DDX10: variants seen among roughly 807,000 people sequenced by gnomAD.
DDX10 encodes the protein DEAD-box helicase 10.
Under a neutral mutation model 104.3 loss-of-function variants are expected in DDX10, and 74 were observed. That is an observed-to-expected ratio of 0.71 (90% CI 0.59 to 0.86). The LOEUF (loss-of-function observed/expected upper bound fraction) is 0.86. DDX10 is among the 40% of genes least tolerant of loss of function. The pLI is 0.00. For synonymous variants in DDX10, 351 were observed against 353.4 expected (o/e 0.99, Z 0.08); for missense variants, 952 against 1,040.0 (o/e 0.92, Z 1.16).
chr11:108,739,672 G>A (rs1217685380), intron 13 of DDX10, among the ~76,000 whole-genome samples: 2 of 152,248 alleles, frequency 1.3e-5, no homozygotes, highest in South Asian at 2.1e-4. Flanking sequence ...ATTTGAGAGT[G>A]TACCGTCTGG....
chr11:108,771,776 C>T (rs1483850736), intron 13 of DDX10, among the ~76,000 whole-genome samples: 6 of 152,088 alleles, frequency 3.9e-5, no homozygotes, highest in East Asian at 3.8e-4. Flanking sequence ...AAGTTGTAGT[C>T]GTTCTTGTTA....
chr11:108,680,360 G>A (rs983109390), intron 6 of DDX10, among the ~76,000 whole-genome samples: 3 of 152,124 alleles, frequency 2.0e-5, no homozygotes, highest in African/African-American at 7.2e-5. Flanking sequence ...GACAACCAGG[G>A]CATACCACCA....
chr11:108,830,544 C>T (rs1862454962), intron 13 of DDX10, among the ~76,000 whole-genome samples: 1 of 152,118 alleles, frequency 6.6e-6, no homozygotes, highest in Non-Finnish European at 1.5e-5. Context: ...TTATTTCTTT[C>T]TCTTGTCTCA....
intron 16 of DDX10, among the ~76,000 whole-genome samples, chr11:108,913,419 C>A (rs541069103): frequency 6.6e-6 from 1 of 152,120 alleles, no homozygotes; most frequent in Non-Finnish European, 1.5e-5. Context: ...CTGCCTTAGT[C>A]TGGCTTAGTG....
Position 108,801,185 on chromosome 11 carries a change from G to A in DDX10, c.1966-37261G>A, listed in dbSNP as rs541685790. Among the ~76,000 whole-genome samples the A allele has an allele frequency of 7.2e-5, 11 of 152,246 alleles. No individual in the cohort carries two copies. In the South Asian group the frequency reaches 2.3e-3, roughly 32 times the overall value. On this transcript the variant is annotated intron_variant, in intron 13 of 17. Transcript: ENST00000322536. ...ATTGTTTCAGTTTTGTCAAGAAAAT[G>A]CTTAACTGGACTGTGTATTCTAACA...
At chr11:108,676,844 C>T (rs1334329552) in intron 3 of DDX10, among the ~76,000 whole-genome samples, 1 of 152,128 alleles carries the variant, frequency 6.6e-6, no homozygotes, top group South Asian at 2.1e-4. Flanking sequence ...AGCCAGTTTC[C>T]TGATGGCATG....
chr11:108,921,321 G>A (rs762397464), intron 17 of DDX10: 9 of 152,214 alleles, frequency 5.9e-5, no homozygotes, highest in Non-Finnish European at 1.0e-4. Context: ...GGTAATTGCT[G>A]TTGCTGCTAG....
chr11:108,846,648 A>G (rs1862721855), intron 15 of DDX10, among the ~76,000 whole-genome samples: 1 of 152,170 alleles, frequency 6.6e-6, no homozygotes, highest in African/African-American at 2.4e-5. Flanking sequence ...GTACATATAT[A>G]TGCTACATTT....
At chr11:108,685,332 G>A (rs2094242248) in intron 6 of DDX10, among the ~76,000 whole-genome samples, 1 of 151,288 alleles carries the variant, frequency 6.6e-6, no homozygotes, top group Admixed American at 6.6e-5. Flanking sequence ...GACTCGGAAA[G>A]GGAACTCCCT....
chr11:108,715,892 A>G lies in DDX10; in HGVS notation c.1336A>G (p.Lys446Glu), dbSNP rs761079539. Residue 446 changes from lysine to glutamate, a missense_variant, in exon 11 of 18, where the codon AAA becomes GAA. Physicochemically the swap from Lys to Glu is moderately conservative, Grantham distance 56. This residue lies in a region of DDX10 where 533 missense variants were observed against 534.1 expected (regional missense o/e 1.00). Transcript: ENST00000322536. ...PVKEIKINPE[K>E]LIDVQKKLES... ...TTTGTTACAAAGAATCAATCCAGAAAAACTTATAGATGTCCAGAAAAAATT... is the reference window on the plus strand; with the variant it reads ...TTTGTTACAAAGAATCAATCCAGAAGAACTTATAGATGTCCAGAAAAAATT... 1 of 1,522,650 alleles carries G rather than the reference A, an allele frequency of 6.6e-7. No individual in the cohort carries two copies. Among genetic ancestry groups the G allele is most frequent in the Non-Finnish European group, 9.1e-7 (1 of 1,102,440 alleles). The allele number at this position is 1,522,650 out of a possible 1,614,324, so 94.3% of individuals were successfully genotyped here. A position where few individuals can be genotyped will look rare whatever the true frequency, so the allele number is the denominator to read the frequency against.
At chr11:108,678,294 A>T in intron 4 of DDX10, 21 bp from the exon 5 acceptor site, 2 of 1,605,110 alleles carry the variant, frequency 1.2e-6, no homozygotes, top group Non-Finnish European at 1.7e-6. Context: ...CTGTGTAATC[A>T]AAATAAATAA....
chr11:108,797,396 A>G (rs1275953847), intron 13 of DDX10, among the ~76,000 whole-genome samples: 2 of 152,214 alleles, frequency 1.3e-5, no homozygotes, highest in African/African-American at 4.8e-5. Context: ...ATGGAGTAAA[A>G]CAATATTTGC....
chr11:108,738,550 G>A (rs532707582), intron 13 of DDX10, among the ~76,000 whole-genome samples: 1 of 152,008 alleles, frequency 6.6e-6, no homozygotes, highest in Non-Finnish European at 1.5e-5. Context: ...AGTTTCCAGT[G>A]TGTCAACTAG....
intron 14 of DDX10, among the ~76,000 whole-genome samples, chr11:108,840,247 C>G (rs1209345383): frequency 6.6e-6 from 1 of 152,114 alleles, no homozygotes; most frequent in Admixed American, 6.6e-5. Context: ...AGTTGAGGCT[C>G]CATAGGAATC....
chr11:108,742,303 C>T (rs937641224), intron 13 of DDX10, among the ~76,000 whole-genome samples: 2 of 151,180 alleles, frequency 1.3e-5, no homozygotes, highest in African/African-American at 2.4e-5. Context: ...CATGGTGGCT[C>T]ATGCCTGTAA....
At chr11:108,719,749 C>A in intron 11 of DDX10, 48 bp from the exon 12 acceptor site, 2 of 1,231,362 alleles carry the variant, frequency 1.6e-6, no homozygotes, top group South Asian at 2.6e-5. Context: ...GGTCTAAACT[C>A]ATTTTTAATT....
chr11:108,829,077 T>C (rs1259171288), intron 13 of DDX10, among the ~76,000 whole-genome samples: 3 of 150,980 alleles, frequency 2.0e-5, no homozygotes, highest in African/African-American at 4.8e-5. Flanking sequence ...CTTTTTCATA[T>C]AATGACTTCT....
intron 13 of DDX10, among the ~76,000 whole-genome samples, chr11:108,739,635 C>G (rs553285572): frequency 1.7e-4 from 26 of 152,124 alleles, no homozygotes; most frequent in Middle Eastern, 3.2e-3. Context: ...GTTCTTTTAT[C>G]TTTGCTTATT....
chr11:108,750,920 T>TG (rs1402132759), intron 13 of DDX10, among the ~76,000 whole-genome samples: 2 of 120,654 alleles, frequency 1.7e-5, no homozygotes, highest in Non-Finnish European at 3.3e-5. Flanking sequence ...TCACCACACC[T>TG]GGTTACTTTT....
Sources: allele counts gnomAD v4.1 joint callset (sites outside exome capture counted in the v4.1 genomes callset), GRCh38; gene constraint gnomAD v4.1.1; regional missense constraint gnomAD v4.1.1; transcripts MANE v1.5; gene names NCBI Gene and HGNC (gene_info 2026-07-23, HGNC 2026-07-21).